KDM4C: variants seen among roughly 807,000 people sequenced by gnomAD.
The protein encoded by KDM4C is lysine-specific demethylase 4C.
A neutral mutation model predicts 129.3 loss-of-function variants in KDM4C; 81 were observed. The ratio of observed to expected loss-of-function variants is 0.63; its 90% CI spans 0.52 to 0.75. The LOEUF is 0.75. KDM4C is among the 30% of genes least tolerant of loss of function. The pLI is 0.00. For missense variants in KDM4C, 1,457 were observed against 1,304.0 expected, an observed-to-expected ratio of 1.12 and a Z score of -1.81; for synonymous variants, 573 against 456.1, an observed-to-expected ratio of 1.26 and a Z score of -3.26.
chr9:7,084,214 G>C (rs571327346), intron 17 of KDM4C, among the ~76,000 whole-genome samples: 24 of 152,216 alleles, frequency 1.6e-4, no homozygotes, highest in South Asian at 6.2e-4. Flanking sequence ...TGAAGCTTTC[G>C]GAGCCACTAC....
In KDM4C at chr9:6,788,235, C is replaced by A. The variant is rs145318295; in HGVS notation, c.-17-4737C>A. 1.2e-4 allele frequency among the ~76,000 whole-genome samples: 18 copies of A among 152,258 alleles called. No homozygotes were observed. In the East Asian group the frequency reaches 3.5e-3, roughly 29 times the overall value. ...GTACTTTTTATTGTCTGTTTCATTC[C>A]ATTAGTGTCAGGACTTTGTTCCCTG... On this transcript the variant is annotated intron_variant, in intron 1 of 21. Transcript: ENST00000381309.
intron 12 of KDM4C, among the ~76,000 whole-genome samples, chr9:6,999,783 T>C (rs1472343912): frequency 1.3e-5 from 2 of 152,108 alleles, no homozygotes; most frequent in African/African-American, 2.4e-5. Context: ...ACATCTCCCA[T>C]TGAAAGTCTT....
intron 1 of KDM4C, among the ~76,000 whole-genome samples, chr9:6,789,142 C>T (rs555369211): frequency 2.4e-4 from 37 of 151,152 alleles, no homozygotes; most frequent in Middle Eastern, 3.4e-3. Flanking sequence ...CTCTGCCCCC[C>T]GGGGTGGTAA....
chr9:6,858,105 C>T (rs1048469718), intron 5 of KDM4C, among the ~76,000 whole-genome samples: 2 of 151,942 alleles, frequency 1.3e-5, no homozygotes, highest in African/African-American at 4.8e-5. Flanking sequence ...CAGGTTTGAG[C>T]CACTATGCCT....
chr9:6,748,898 T>C lies in KDM4C; in HGVS notation c.49+27901T>C, dbSNP rs781710719. The C allele has an allele frequency of 9.9e-5, 95 of 963,434 alleles. 1 individual carries two copies. In the South Asian group the frequency reaches 1.2e-3, roughly 12 times the overall value. The allele number at this position is 963,434 out of a possible 1,614,324, so 59.7% of individuals were successfully genotyped here. ...CATAGAGCCACACCTGAATCTGCGA[T>C]CTATTTTGTAAGTATCTGAAGATGA... On this transcript the variant is annotated intron_variant, in intron 1 of 17. Transcript: ENST00000536108.
chr9:6,886,737 C>T (rs1039557283), intron 6 of KDM4C, among the ~76,000 whole-genome samples: 5 of 152,026 alleles, frequency 3.3e-5, no homozygotes, highest in Non-Finnish European at 7.4e-5. Context: ...TGTGGACCAC[C>T]CGCCTCAGCC....
chr9:6,834,612 A>T (rs368160553), intron 4 of KDM4C: 1 of 757,092 alleles, frequency 1.3e-6, no homozygotes, highest in African/African-American at 1.7e-5. Context: ...AAGGACTCCC[A>T]TGTGGGCGAC....
chr9:6,979,402 G>GT (rs1816371143), intron 8 of KDM4C, among the ~76,000 whole-genome samples: 1 of 152,180 alleles, frequency 6.6e-6, no homozygotes, highest in Non-Finnish European at 1.5e-5. Flanking sequence ...CAGGAAGGTG[G>GT]TGTGGTAGGA....
At chr9:7,159,452 T>A (rs1843544194) in intron 19 of KDM4C, among the ~76,000 whole-genome samples, 1 of 152,230 alleles carries the variant, frequency 6.6e-6, no homozygotes, top group African/African-American at 2.4e-5. Context: ...TTTCTCATGT[T>A]TTTGCAGTGG....
intron 11 of KDM4C, among the ~76,000 whole-genome samples, chr9:6,987,792 AT>A (rs907000672): frequency 2.8e-4 from 43 of 152,284 alleles, no homozygotes; most frequent in African/African-American, 1.0e-3. Context: ...GATAAAAAAA[AT>A]ATGGTCTGGT....
intron 3 of KDM4C, among the ~76,000 whole-genome samples, chr9:6,812,060 T>A (rs1379004071): frequency 6.6e-6 from 1 of 152,116 alleles, no homozygotes; most frequent in East Asian, 1.9e-4. Flanking sequence ...ATACCAAACT[T>A]TATCTTTCTC....
chr9:7,139,191 C>G (rs1841504396), intron 19 of KDM4C, among the ~76,000 whole-genome samples: 2 of 152,254 alleles, frequency 1.3e-5, no homozygotes, highest in East Asian at 3.9e-4. Flanking sequence ...GGGAGGATCA[C>G]TTGAGCCTGG....
At chr9:6,741,164 G>C (rs1817679583) in intron 1 of KDM4C, among the ~76,000 whole-genome samples, 1 of 152,048 alleles carries the variant, frequency 6.6e-6, no homozygotes. Context: ...TTGGGAGGCT[G>C]AGGCGAGTAG....
intron 3 of KDM4C, among the ~76,000 whole-genome samples, chr9:6,812,070 CTCTT>C (rs1403824313): frequency 6.6e-6 from 1 of 151,982 alleles, no homozygotes; most frequent in Non-Finnish European, 1.5e-5. Flanking sequence ...TTATCTTTCT[CTCTT>C]AGAGTTATGA....
chr9:6,864,278 T>C (rs183585431), intron 5 of KDM4C, among the ~76,000 whole-genome samples: 133 of 152,338 alleles, frequency 8.7e-4, no homozygotes, highest in Middle Eastern at 3.4e-3. Flanking sequence ...GGTTTCAGTA[T>C]TCTTGGATGA....
chr9:6,775,680 G>A (rs549041935), intron 1 of KDM4C, among the ~76,000 whole-genome samples: 1 of 151,614 alleles, frequency 6.6e-6, no homozygotes, highest in Non-Finnish European at 1.5e-5. Context: ...TGGCCACCAC[G>A]CCTGGCTAAT....
intron 5 of KDM4C, among the ~76,000 whole-genome samples, chr9:6,872,328 A>G (rs1842917605): frequency 6.6e-6 from 1 of 152,220 alleles, no homozygotes; most frequent in Non-Finnish European, 1.5e-5. Flanking sequence ...GGCGGAGAAG[A>G]TGAGAAATAA....
At chr9:7,091,991 T>C (rs753174790) in intron 17 of KDM4C, among the ~76,000 whole-genome samples, 8 of 152,260 alleles carry the variant, frequency 5.3e-5, no homozygotes, top group Non-Finnish European at 1.0e-4. Context: ...CTCTTTTTCA[T>C]ATATACCCCT....
intron 7 of KDM4C, 98 bp from the exon 8 acceptor site, chr9:6,892,996 CT>C (rs936716964): frequency 1.1e-5 from 11 of 978,298 alleles, no homozygotes; most frequent in African/African-American, 6.8e-5. Context: ...GATATCAAGA[CT>C]TTTTTTCTTT....
Sources: gnomAD v4.1 joint callset for allele counts (sites outside exome capture counted in the v4.1 genomes callset) on GRCh38, gnomAD v4.1.1 for gene constraint, MANE v1.5 for transcripts, NCBI Gene and HGNC (gene_info 2026-07-23, HGNC 2026-07-21) for gene names.